Variants in DOCK4 observed in about 807,000 individuals in gnomAD.
The protein encoded by DOCK4 is dedicator of cytokinesis protein 4.
DOCK4 carries 97 observed loss-of-function variants against 268.1 expected under a neutral mutation model. That is an observed-to-expected ratio of 0.36 (90% confidence interval 0.31 to 0.43). The LOEUF is 0.43. Ranked by LOEUF, DOCK4 falls within the 20% of genes least tolerant of loss-of-function variation. DOCK4 has a pLI of 1.00. For synonymous variants in DOCK4, 954 were observed against 887.2 expected (o/e 1.08, Z -1.34); for missense variants, 2,145 against 2,455.7 (o/e 0.87, Z 2.67).
At chr7:111,757,158 A>C (rs1030311411) in intron 41 of DOCK4, among the ~76,000 whole-genome samples, 13 of 151,936 alleles carry the variant, frequency 8.6e-5, no homozygotes, top group African/African-American at 3.1e-4. Flanking sequence ...TGTGGTGGAG[A>C]TGAGGCTTCT....
At chr7:111,915,667 C>T (rs1348433586) in intron 13 of DOCK4, 112 bp downstream of exon 13, 1 of 1,078,268 alleles carries the variant, frequency 9.3e-7, no homozygotes. Flanking sequence ...TTTCATTCTT[C>T]AGCATGGCCC....
chr7:111,905,052 C>T (rs1791448510), intron 13 of DOCK4, among the ~76,000 whole-genome samples: 2 of 152,328 alleles, frequency 1.3e-5, no homozygotes, highest in East Asian at 1.9e-4. Context: ...ACGACATTCT[C>T]CATGTGCCTC....
At chr7:112,168,570 T>C (rs534306401) in intron 1 of DOCK4, among the ~76,000 whole-genome samples, 3 of 152,232 alleles carry the variant, frequency 2.0e-5, no homozygotes, top group African/African-American at 7.2e-5. Flanking sequence ...CCAGGCATGG[T>C]GGCGCATGCC....
At chr7:111,942,184 G>A (rs1216764770) in intron 10 of DOCK4, among the ~76,000 whole-genome samples, 1 of 152,102 alleles carries the variant, frequency 6.6e-6, no homozygotes, top group Non-Finnish European at 1.5e-5. Flanking sequence ...TCAAAAGGGA[G>A]GCATAGAGGT....
intron 1 of DOCK4, among the ~76,000 whole-genome samples, chr7:112,037,992 A>AT (rs1462612329): frequency 6.6e-6 from 1 of 152,206 alleles, no homozygotes; most frequent in Admixed American, 6.5e-5. Flanking sequence ...AAAATTAATC[A>AT]GAAGTCAAAA....
chr7:111,930,003 G>T (rs1195932723), intron 12 of DOCK4, among the ~76,000 whole-genome samples: 2 of 152,160 alleles, frequency 1.3e-5, no homozygotes, highest in Non-Finnish European at 2.9e-5. Flanking sequence ...TCAGTCTAAT[G>T]TCACATTCCT....
chr7:111,852,119 T>C (rs995719298), intron 23 of DOCK4, among the ~76,000 whole-genome samples: 1 of 152,078 alleles, frequency 6.6e-6, no homozygotes, highest in Non-Finnish European at 1.5e-5. Context: ...TTCGCCGCCA[T>C]GCCCGGCTAA....
intron 16 of DOCK4, 30 bp from the exon 17 acceptor site, chr7:111,877,216 G>A: frequency 7.3e-7 from 1 of 1,378,922 alleles, no homozygotes; most frequent in Non-Finnish European, 9.5e-7. Flanking sequence ...AAACATAAGG[G>A]AAGGGGAAGA....
chr7:111,991,705 T>C (rs1011827463), intron 5 of DOCK4, among the ~76,000 whole-genome samples: 3 of 150,976 alleles, frequency 2.0e-5, no homozygotes, highest in African/African-American at 7.3e-5. Flanking sequence ...CTCATGCCTG[T>C]AATCCCAGCA....
At chr7:111,866,269 C>T (rs1427312857) in intron 22 of DOCK4, among the ~76,000 whole-genome samples, 1 of 152,174 alleles carries the variant, frequency 6.6e-6, no homozygotes, top group East Asian at 1.9e-4. Flanking sequence ...TACACAGAGG[C>T]AAAGTTCTCA....
At chr7:111,865,229 T>G (rs1805875184) in intron 22 of DOCK4, among the ~76,000 whole-genome samples, 1 of 152,166 alleles carries the variant, frequency 6.6e-6, no homozygotes, top group Admixed American at 6.5e-5. Context: ...TAAGAACCAC[T>G]GCTGTACCAG....
chr7:111,793,076 G>A (rs1430595922), intron 30 of DOCK4, among the ~76,000 whole-genome samples: 2 of 152,178 alleles, frequency 1.3e-5, no homozygotes, highest in East Asian at 3.8e-4. Flanking sequence ...CCAGCATCAA[G>A]AAGAGTTGTT....
At chr7:112,025,807 T>C (rs1226459632) in intron 1 of DOCK4, among the ~76,000 whole-genome samples, 2 of 152,192 alleles carry the variant, frequency 1.3e-5, no homozygotes, top group South Asian at 2.1e-4. Context: ...AGGTTGCTCA[T>C]GTGTTTCCTT....
At chr7:111,916,390 G>A (rs1792588921) in intron 12 of DOCK4, among the ~76,000 whole-genome samples, 1 of 152,174 alleles carries the variant, frequency 6.6e-6, no homozygotes, top group African/African-American at 2.4e-5. Context: ...AAAGGATATT[G>A]ATAGAGATTT....
At chr7:111,805,529 A>C (rs1800609059) in intron 30 of DOCK4, among the ~76,000 whole-genome samples, 1 of 152,240 alleles carries the variant, frequency 6.6e-6, no homozygotes, top group African/African-American at 2.4e-5. Context: ...CACTGTAAAC[A>C]TAAGCAGTTC....
chr7:112,099,266 T>C (rs947961630), intron 1 of DOCK4, among the ~76,000 whole-genome samples: 1 of 142,750 alleles, frequency 7.0e-6, no homozygotes, highest in African/African-American at 2.6e-5. Context: ...CATTTCCGCC[T>C]GGGTGATAGA....
chr7:111,883,240 C>T (rs1301468856), intron 16 of DOCK4, among the ~76,000 whole-genome samples: 1 of 152,304 alleles, frequency 6.6e-6, no homozygotes, highest in East Asian at 1.9e-4. Context: ...CCCCTCCCCT[C>T]AATCTCATCC....
At chr7:112,132,854 C>T (rs1397282405) in intron 1 of DOCK4, among the ~76,000 whole-genome samples, 1 of 152,162 alleles carries the variant, frequency 6.6e-6, no homozygotes, top group Non-Finnish European at 1.5e-5. Context: ...GACCCACTTT[C>T]GCTGCAGGAT....
At chr7:112,029,706 G>A (rs1025994317) in intron 1 of DOCK4, among the ~76,000 whole-genome samples, 5 of 152,154 alleles carry the variant, frequency 3.3e-5, no homozygotes, top group African/African-American at 9.7e-5. Context: ...TAATGGAGAC[G>A]GTAATTGCAC....
Sources: gnomAD v4.1 joint callset for allele counts (sites outside exome capture counted in the v4.1 genomes callset) on GRCh38, gnomAD v4.1.1 for gene constraint, MANE v1.5 for transcripts, NCBI Gene and HGNC (gene_info 2026-07-23, HGNC 2026-07-21) for gene names.